The following VNN2 variants were observed in gnomAD, a reference collection of about 807,000 sequenced individuals.
The protein encoded by VNN2 is pantetheine hydrolase VNN2.
A neutral mutation model predicts 43.0 loss-of-function variants in VNN2; 43 were observed. That is an observed-to-expected ratio of 1.00 (90% CI 0.78 to 1.29). The LOEUF (loss-of-function observed/expected upper bound fraction) is 1.29, where lower values mean the gene tolerates loss of function less well. Among genes scored for constraint, VNN2 ranks in the 50% most tolerant of loss-of-function variants. The pLI is 0.00. For synonymous variants in VNN2, 230 were observed against 224.3 expected (o/e 1.03, Z -0.23); for missense variants, 652 against 619.7 (o/e 1.05, Z -0.55).
At chr6:132,746,990 C>T (rs1310803564) in intron 6 of VNN2, among the ~76,000 whole-genome samples, 1 of 152,154 alleles carries the variant, frequency 6.6e-6, no homozygotes, top group African/African-American at 2.4e-5. Context: ...ACCCTCCCTG[C>T]CAGCTGTCAC....
At chr6:132,759,959 G>C (rs766583358), upstream of VNN2, among the ~76,000 whole-genome samples, 1 of 152,142 alleles carries the variant, frequency 6.6e-6, no homozygotes, top group Non-Finnish European at 1.5e-5. Context: ...GATTATGAGT[G>C]CTGTTAGAGT....
At chr6:132,758,293 T>C (rs896620190), upstream of VNN2, among the ~76,000 whole-genome samples, 1 of 152,072 alleles carries the variant, frequency 6.6e-6, no homozygotes, top group Non-Finnish European at 1.5e-5. Context: ...TCCATCCACC[T>C]CAGCCTCTCA....
In VNN2 at chr6:132,744,299, C is replaced by A; in HGVS notation, c.*1G>T. On this transcript the variant is annotated 3_prime_UTR_variant, in exon 7 of 7. Transcript: ENST00000326499. ...CAGAAGCTGAGTGATAAAGAGACGC[C>A]CTATAACATTACAATATTTTGCAAA... is the stretch of plus-strand genomic sequence containing the variant. The A allele has an allele frequency of 3.7e-6, 6 of 1,610,538 alleles. No individual in the cohort carries two copies. Among genetic ancestry groups the A allele is most frequent in the Non-Finnish European group, 5.1e-6 (6 of 1,178,838 alleles).
intron 6 of VNN2, among the ~76,000 whole-genome samples, chr6:132,747,436 G>T (rs112893859): frequency 6.6e-6 from 1 of 151,942 alleles, no homozygotes; most frequent in Non-Finnish European, 1.5e-5. Context: ...GGCCAATATG[G>T]TGAAACCCCA....
intron 3 of VNN2, chr6:132,753,783 C>T (rs1429263330): frequency 5.5e-6 from 1 of 182,356 alleles, no homozygotes; most frequent in Non-Finnish European, 1.2e-5. Context: ...GAAACCCCAT[C>T]TCTACTAAAA....
chr6:132,758,506 G>A (rs138962389), upstream of VNN2, among the ~76,000 whole-genome samples: 8 of 152,166 alleles, frequency 5.3e-5, no homozygotes, highest in East Asian at 1.6e-3. Flanking sequence ...TTCAAATATA[G>A]AACAATTCCA....
chr6:132,748,374 A>G (rs1357957533), intron 6 of VNN2, among the ~76,000 whole-genome samples: 1 of 152,202 alleles, frequency 6.6e-6, no homozygotes, highest in Admixed American at 6.5e-5. Flanking sequence ...TTTGGATTTT[A>G]TGGCCTTAAG....
chr6:132,759,227 AG>A, upstream of VNN2, among the ~76,000 whole-genome samples: 2 of 152,202 alleles, frequency 1.3e-5, no homozygotes, highest in South Asian at 4.1e-4. Flanking sequence ...ACCTGAGGTC[AG>A]GAGTTCAAGA....
upstream of VNN2, chr6:132,758,044 T>C (rs1400561494): frequency 1.2e-3 from 472 of 402,690 alleles, no homozygotes; most frequent in African/African-American, 5.5e-3. Context: ...TTCTTCTTTT[T>C]TTTTTTTTTT....
At chr6:132,762,172 G>A (rs932287571), upstream of VNN2, among the ~76,000 whole-genome samples, 4 of 152,292 alleles carry the variant, frequency 2.6e-5, no homozygotes, top group African/African-American at 7.2e-5. Flanking sequence ...CTGCAGTGGG[G>A]TAGCAAAGGT....
chr6:132,753,008 C>G, intron 3 of VNN2: 1 of 396,078 alleles, frequency 2.5e-6, no homozygotes, highest in Non-Finnish European at 4.5e-6. Context: ...CAAATACCCC[C>G]CCATAAACCC....
At chr6:132,757,093 G>T (rs1780520252) in intron 2 of VNN2, among the ~76,000 whole-genome samples, 1 of 152,194 alleles carries the variant, frequency 6.6e-6, no homozygotes, top group East Asian at 1.9e-4. Context: ...TTCAGCAGAG[G>T]CTTTGGAATG....
At chr6:132,749,901 T>C in intron 5 of VNN2, 36 bp from the exon 6 acceptor site, 1 of 1,568,756 alleles carries the variant, frequency 6.4e-7, no homozygotes. Context: ...CGCAATGCCT[T>C]ACATTGAAGT....
chr6:132,747,680 A>G (rs1037105628), intron 6 of VNN2, among the ~76,000 whole-genome samples: 1 of 152,222 alleles, frequency 6.6e-6, no homozygotes, highest in Non-Finnish European at 1.5e-5. Context: ...TACAAATACT[A>G]TGGAGTTAAG....
chr6:132,752,685 G>T lies in VNN2; in HGVS notation c.602C>A (p.Thr201Asn). The change falls in exon 4 of 7, where the codon ACC becomes AAC. Residue 201 changes from threonine to asparagine, a missense_variant. Transcript: ENST00000326499. ...PEKPELVTFNTAFGRFGIFTC... is the reference protein window; with the variant it reads ...PEKPELVTFNNAFGRFGIFTC... The stretch of plus-strand genomic sequence containing the variant: ...GAAAATGCCAAACCTTCCAAATGCG[G>T]TGTTGAAAGTCACCAACTCCGGCTT... The T allele has an allele frequency of 6.2e-7, 1 of 1,614,208 alleles. No homozygotes were observed. The highest frequency in any genetic ancestry group is 8.5e-7 in the Non-Finnish European group (1 of 1,180,034).
intron 3 of VNN2, among the ~76,000 whole-genome samples, chr6:132,754,606 A>C (rs918910027): frequency 3.3e-5 from 5 of 152,210 alleles, no homozygotes; most frequent in Non-Finnish European, 5.9e-5. Flanking sequence ...AGGGACATTC[A>C]TACTGCCTGT....
At chr6:132,758,349 A>G (rs191298211), upstream of VNN2, among the ~76,000 whole-genome samples, 53 of 152,012 alleles carry the variant, frequency 3.5e-4, no homozygotes, top group East Asian at 9.7e-3. Context: ...GGCCTACTTT[A>G]TAATCTTAAG....
upstream of VNN2, chr6:132,758,039 CTTTTTTTTTTTTTTT>C (rs533088096): frequency 3.6e-5 from 6 of 165,046 alleles, no homozygotes; most frequent in African/African-American, 1.2e-4. Flanking sequence ...TCTTCTTCTT[CTTTTTTTTTTTTTTT>C]TTTTTTTTTG....
intron 5 of VNN2, among the ~76,000 whole-genome samples, chr6:132,750,514 T>TA (rs369805846): frequency 7.8e-4 from 88 of 113,548 alleles, no homozygotes; most frequent in South Asian, 1.6e-3. Context: ...TATATATATA[T>TA]TTTTCCAGGT....
Sources: gnomAD v4.1 joint callset for allele counts (sites outside exome capture counted in the v4.1 genomes callset) on GRCh38, gnomAD v4.1.1 for gene constraint, MANE v1.5 for transcripts, NCBI Gene and HGNC (gene_info 2026-07-23, HGNC 2026-07-21) for gene names.